Variants in LRRTM4 observed in about 807,000 individuals in gnomAD.
LRRTM4 encodes leucine rich repeat transmembrane neuronal 4.
A neutral mutation model predicts 47.6 loss-of-function variants in LRRTM4; 25 were observed. That is an observed-to-expected ratio of 0.53 (90% CI 0.38 to 0.73). The LOEUF (loss-of-function observed/expected upper bound fraction) is 0.73. Ranked by LOEUF, LRRTM4 falls within the 30% of genes least tolerant of loss-of-function variation. The pLI is 0.00. For missense variants in LRRTM4, 638 were observed against 713.4 expected, an observed-to-expected ratio of 0.89 and a Z score of 1.20; for synonymous variants, 311 against 269.5, an observed-to-expected ratio of 1.15 and a Z score of -1.51.
chr2:77,164,690 G>A (rs1672829960), intron 3 of LRRTM4, among the ~76,000 whole-genome samples: 1 of 152,164 alleles, frequency 6.6e-6, no homozygotes, highest in Non-Finnish European at 1.5e-5. Context: ...CATAGAAACT[G>A]AACAACCTGC....
chr2:77,251,327 C>T (rs1041828215), intron 3 of LRRTM4, among the ~76,000 whole-genome samples: 4 of 149,888 alleles, frequency 2.7e-5, no homozygotes, highest in Admixed American at 1.3e-4. Flanking sequence ...CATAAAAAAG[C>T]TAAATGCACT....
In LRRTM4 at chr2:76,754,293, A is replaced by G. The variant is rs1263499083; in HGVS notation, c.1552-5377T>C. Among the ~76,000 whole-genome samples, 3 of 152,180 alleles carry G rather than the reference A, an allele frequency of 2.0e-5. No individual in the cohort carries two copies. In the East Asian group the frequency reaches 5.8e-4, roughly 29 times the overall value. ...AGTATGTGACAAGAATGGACAAGGA[A>G]TAAGTACATGTAAACAAGTTTGGGT... is the stretch of plus-strand genomic sequence containing the variant. On this transcript the variant is annotated intron_variant, in intron 3 of 3. Coordinates refer to ENST00000409884, the MANE Select transcript of LRRTM4 (RefSeq NM_001134745.3).
chr2:77,047,857 A>T (rs1230464620), intron 3 of LRRTM4, among the ~76,000 whole-genome samples: 2 of 152,096 alleles, frequency 1.3e-5, no homozygotes, highest in Non-Finnish European at 2.9e-5. Context: ...GAACTTCAGC[A>T]TTACTGACAT....
chr2:77,052,482 T>C (rs1679469736), intron 3 of LRRTM4, among the ~76,000 whole-genome samples: 1 of 152,020 alleles, frequency 6.6e-6, no homozygotes, highest in Non-Finnish European at 1.5e-5. Flanking sequence ...ATCTCCCTTT[T>C]CATAAAAGAG....
intron 3 of LRRTM4, among the ~76,000 whole-genome samples, chr2:77,072,049 A>T (rs1199733729): frequency 1.3e-5 from 2 of 152,178 alleles, no homozygotes; most frequent in Non-Finnish European, 1.5e-5. Flanking sequence ...CTTGTTTTTG[A>T]CTAATTTGAA....
chr2:77,310,627 T>C (rs552528044), intron 3 of LRRTM4, among the ~76,000 whole-genome samples: 35 of 152,292 alleles, frequency 2.3e-4, no homozygotes, highest in African/African-American at 8.2e-4. Context: ...GTTATTTTCA[T>C]CTGTGCTCCT....
At chr2:77,247,928 G>A (rs1021764725) in intron 3 of LRRTM4, among the ~76,000 whole-genome samples, 3 of 150,104 alleles carry the variant, frequency 2.0e-5, no homozygotes, top group Admixed American at 6.7e-5. Context: ...TATGGTATAT[G>A]ATATTAATAA....
chr2:77,232,051 C>T (rs768537293), intron 3 of LRRTM4, among the ~76,000 whole-genome samples: 40 of 152,262 alleles, frequency 2.6e-4, no homozygotes, highest in African/African-American at 9.4e-4. Context: ...TGTGTACTAA[C>T]CATAGCATTG....
At chr2:77,053,677 G>A (rs1217675485) in intron 3 of LRRTM4, among the ~76,000 whole-genome samples, 3 of 151,928 alleles carry the variant, frequency 2.0e-5, no homozygotes, top group African/African-American at 7.3e-5. Flanking sequence ...TCTGCTAGAG[G>A]TAATAGAATT....
intron 3 of LRRTM4, among the ~76,000 whole-genome samples, chr2:77,004,974 A>G (rs1053014830): frequency 8.5e-5 from 13 of 152,152 alleles, no homozygotes; most frequent in African/African-American, 2.9e-4. Flanking sequence ...ATATTTACCA[A>G]TGCCTGTACC....
In LRRTM4 at chr2:76,969,627, CA is replaced by C. The variant is rs1192753767; in HGVS notation, c.1552-220712del. Among the ~76,000 whole-genome samples, 6 of 151,076 alleles carry C rather than the reference CA, an allele frequency of 4.0e-5. No individual in the cohort carries two copies. In the East Asian group the frequency reaches 5.9e-4, roughly 15 times the overall value. On this transcript the variant is annotated intron_variant, in intron 3 of 3. Transcript: ENST00000409884. ...ACTTTCCATAATGATTTTCTAACAA[CA>C]AAAAAAATGCCATAACAACAAAATA...
At chr2:77,424,353 T>C (rs532672501) in intron 3 of LRRTM4, among the ~76,000 whole-genome samples, 1 of 152,352 alleles carries the variant, frequency 6.6e-6, no homozygotes, top group Non-Finnish European at 1.5e-5. Flanking sequence ...TCATCCTCCA[T>C]GGAAAGAGCT....
intron 3 of LRRTM4, among the ~76,000 whole-genome samples, chr2:76,854,802 AAAG>A (rs970202961): frequency 2.7e-4 from 38 of 141,290 alleles, no homozygotes; most frequent in Non-Finnish European, 4.3e-4. Flanking sequence ...GAAGTATAAA[AAAG>A]AAAATCCTTT....
intron 3 of LRRTM4, among the ~76,000 whole-genome samples, chr2:76,906,494 G>C (rs140082609): frequency 0.017 from 2,503 of 151,614 alleles, 70 homozygotes; most frequent in African/African-American, 0.057. Context: ...TCACACATAA[G>C]AATATTAACT....
At chr2:76,838,158 A>G (rs547896676) in intron 3 of LRRTM4, among the ~76,000 whole-genome samples, 2 of 152,104 alleles carry the variant, frequency 1.3e-5, no homozygotes, top group South Asian at 2.1e-4. Context: ...AGTACTATTT[A>G]TATAAACAAG....
rs867252018 is a variant in LRRTM4 at position 77,292,174 on chromosome 2, A to G, written c.1551+226144T>C. Reference sequence around the variant, plus strand: ...ACCATCTCACACCAGTTAGAATGGCAATCATTAAAAAGTCAGGAAACAACA... The same window carrying G: ...ACCATCTCACACCAGTTAGAATGGCGATCATTAAAAAGTCAGGAAACAACA... On this transcript the variant is annotated intron_variant, in intron 3 of 3. Transcript: ENST00000409884. Among the ~76,000 whole-genome samples, 532 of 149,510 alleles carry G rather than the reference A, an allele frequency of 3.6e-3. 2 individuals are homozygous for G. Among genetic ancestry groups the G allele is most frequent in the African/African-American group, 0.012 (474 of 40,476 alleles).
chr2:76,869,631 A>G lies in LRRTM4; in HGVS notation c.1552-120715T>C, dbSNP rs571676442. ...CAACTCCAGATATCTACTTAAAAAC[A>G]TGGCTGTTATTATGTGTGATGTAAG... On this transcript the variant is annotated intron_variant, in intron 3 of 3. Transcript: ENST00000409884. 3.6e-4 allele frequency among the ~76,000 whole-genome samples: 55 copies of G among 152,284 alleles called. No individual in the cohort carries two copies. In the East Asian group the frequency reaches 7.0e-3, roughly 19 times the overall value.
chr2:76,935,558 G>A (rs180723426), intron 3 of LRRTM4, among the ~76,000 whole-genome samples: 1 of 152,042 alleles, frequency 6.6e-6, no homozygotes, highest in Non-Finnish European at 1.5e-5. Context: ...CCTTGAAAAG[G>A]TCCTTCACAT....
chr2:77,023,321 G>A (rs112893771), intron 3 of LRRTM4, among the ~76,000 whole-genome samples: 3,878 of 152,178 alleles, frequency 0.025, 163 homozygotes, highest in African/African-American at 0.088. Flanking sequence ...AGAGGCTGCC[G>A]CAAAGGTCTC....
Sources: allele counts gnomAD v4.1 joint callset (sites outside exome capture counted in the v4.1 genomes callset), GRCh38; gene constraint gnomAD v4.1.1; transcripts MANE v1.5; gene names NCBI Gene and HGNC (gene_info 2026-07-23, HGNC 2026-07-21).